PNPLA8: variants seen among roughly 807,000 people sequenced by gnomAD.
PNPLA8 encodes the protein calcium-independent phospholipase A2-gamma.
Under a neutral mutation model 76.9 loss-of-function variants are expected in PNPLA8, and 39 were observed. That is an observed-to-expected ratio of 0.51 (90% CI 0.39 to 0.66). PNPLA8 has a LOEUF of 0.66. PNPLA8 is among the 30% of genes least tolerant of loss of function. The pLI, the probability that PNPLA8 is intolerant of heterozygous loss-of-function variation, is 0.00. For synonymous variants in PNPLA8, 301 were observed against 307.9 expected (o/e 0.98, Z 0.24); for missense variants, 887 against 918.0 (o/e 0.97, Z 0.44).
rs540844610 is a variant in PNPLA8 at position 108,478,986 on chromosome 7, G to T, written c.2074+198C>A. Reference sequence around the variant, plus strand: ...CAAAGGTAGCACTATCTCTCAAATGGAAAACAGTCTCTGTTCTAGAGTCAC... The same window carrying T: ...CAAAGGTAGCACTATCTCTCAAATGTAAAACAGTCTCTGTTCTAGAGTCAC... On this transcript the variant is annotated intron_variant, in intron 10 of 10. Transcript: ENST00000257694. Among the ~76,000 whole-genome samples, 6 of 152,250 alleles carry T rather than the reference G, an allele frequency of 3.9e-5. No homozygotes were observed. In the South Asian group the frequency reaches 1.2e-3, roughly 32 times the overall value.
chr7:108,501,320 G>A (rs1861931287), intron 5 of PNPLA8, among the ~76,000 whole-genome samples: 1 of 152,190 alleles, frequency 6.6e-6, no homozygotes, highest in South Asian at 2.1e-4. Context: ...AGACTGAGTA[G>A]GAAGCATGGA....
At chr7:108,482,971 CT>C (rs1227774219) in intron 9 of PNPLA8, among the ~76,000 whole-genome samples, 1 of 152,150 alleles carries the variant, frequency 6.6e-6, no homozygotes, top group Non-Finnish European at 1.5e-5. Flanking sequence ...ACTAAAATTT[CT>C]CATGAAATGT....
intron 1 of PNPLA8, 104 bp downstream of exon 1, chr7:108,525,925 G>T: frequency 2.5e-6 from 1 of 397,626 alleles, no homozygotes; most frequent in East Asian, 1.6e-4. Context: ...CGCTCGGGAA[G>T]TGCCCTCCAA....
chr7:108,490,694 G>A (rs976600402), intron 8 of PNPLA8, among the ~76,000 whole-genome samples: 2 of 151,702 alleles, frequency 1.3e-5, no homozygotes, highest in South Asian at 4.2e-4. Context: ...TGAGGCAGGA[G>A]AATGGCGTGA....
rs761482696 is a variant in PNPLA8, at chr7:108,515,092, G to C, written c.400C>G (p.Gln134Glu). ...CTATCCGATACTTTTCTTAAAATTT[G>C]GGAACTTGGCTTAAATTGAGCTAAA... ...SRLAQFKPSS[Q>E]ILRKVSDSGW... Residue 134 changes from glutamine to glutamate, a missense_variant, in exon 3 of 11, where the codon CAA (glutamine) becomes GAA (glutamate). Coordinates refer to ENST00000257694, the MANE Select transcript of PNPLA8 (RefSeq NM_001256007.3). 7 of 1,604,574 alleles carry C rather than the reference G, an allele frequency of 4.4e-6. No homozygotes were observed. In the South Asian group the frequency reaches 7.8e-5, roughly 18 times the overall value.
intron 7 of PNPLA8, among the ~76,000 whole-genome samples, chr7:108,493,568 C>CTTT (rs34935118): frequency 0.064 from 5,169 of 81,164 alleles, 227 homozygotes; most frequent in Middle Eastern, 0.085. Flanking sequence ...CCATGCCTGG[C>CTTT]TTTTTTTTTT....
chr7:108,498,390 G>A (rs1382534672), intron 5 of PNPLA8, among the ~76,000 whole-genome samples: 2 of 150,750 alleles, frequency 1.3e-5, no homozygotes, highest in Non-Finnish European at 3.0e-5. Context: ...TCAGCCTCCC[G>A]AGTAGCTGGG....
At chr7:108,476,140 G>T (rs1859974593) in intron 10 of PNPLA8, among the ~76,000 whole-genome samples, 1 of 150,996 alleles carries the variant, frequency 6.6e-6, no homozygotes, top group Non-Finnish European at 1.5e-5. Flanking sequence ...TGTTTTTGTG[G>T]GCCAACAGCA....
intron 4 of PNPLA8, among the ~76,000 whole-genome samples, chr7:108,504,743 A>T (rs1478440322): frequency 6.6e-6 from 1 of 152,184 alleles, no homozygotes. Context: ...GAGCCAGTGC[A>T]CTATCAGCAC....
intron 5 of PNPLA8, among the ~76,000 whole-genome samples, chr7:108,499,797 C>T (rs1178628395): frequency 2.0e-5 from 3 of 152,178 alleles, no homozygotes; most frequent in Non-Finnish European, 4.4e-5. Context: ...GATTTCCTCC[C>T]TATATGACTA....
chr7:108,483,432 A>G (rs913398375), intron 9 of PNPLA8, among the ~76,000 whole-genome samples: 3 of 152,192 alleles, frequency 2.0e-5, no homozygotes, highest in African/African-American at 7.2e-5. Flanking sequence ...ATTTACTTCA[A>G]AAACCTATTC....
In PNPLA8 at chr7:108,495,520, T is replaced by C. The variant is rs565658057; in HGVS notation, c.1625+1064A>G. On this transcript the variant is annotated intron_variant, in intron 7 of 10. Transcript: ENST00000257694. ...AAAAAACACATCACCATGTTAATAGTGCTTTTGTTCTTAGTGGGATTATAA... is the reference window on the plus strand; with the variant it reads ...AAAAAACACATCACCATGTTAATAGCGCTTTTGTTCTTAGTGGGATTATAA... 1.2e-4 allele frequency among the ~76,000 whole-genome samples: 18 copies of C among 152,292 alleles called. No individual in the cohort carries two copies. In the South Asian group the frequency reaches 3.7e-3, roughly 32 times the overall value.
chr7:108,506,216 A>G (rs1434966339), intron 4 of PNPLA8, among the ~76,000 whole-genome samples: 1 of 152,120 alleles, frequency 6.6e-6, no homozygotes, highest in African/African-American at 2.4e-5. Context: ...CGTCTCTACT[A>G]AAAAACCAAA....
intron 4 of PNPLA8, among the ~76,000 whole-genome samples, chr7:108,505,939 A>AT (rs1862389456): frequency 6.6e-6 from 1 of 152,184 alleles, no homozygotes; most frequent in South Asian, 2.1e-4. Context: ...AATAGGCAAG[A>AT]TCTGGAATAG....
In PNPLA8 at chr7:108,471,606, CATT is replaced by C. The variant is rs1433403423; in HGVS notation, c.*792_*794del. The stretch of plus-strand genomic sequence containing the variant: ...TGAACAAAAATTAATTTTAAAATGA[CATT>C]AGCCTTTTAACAACAGATTATTTAA... On this transcript the variant is annotated 3_prime_UTR_variant, in exon 11 of 11. Transcript: ENST00000257694. 6.6e-6 allele frequency: 1 copy of C among 152,170 alleles called. No individual in the cohort carries two copies. The highest frequency in any genetic ancestry group is 1.5e-5 in the Non-Finnish European group (1 of 68,030). The allele number at this position is 152,170 out of a possible 1,614,324, so 9.4% of individuals were successfully genotyped here. A position where few individuals can be genotyped will look rare whatever the true frequency, so the allele number is the denominator to read the frequency against.
intron 7 of PNPLA8, among the ~76,000 whole-genome samples, chr7:108,494,002 A>C (rs1423729553): frequency 6.6e-6 from 1 of 152,172 alleles, no homozygotes; most frequent in African/African-American, 2.4e-5. Flanking sequence ...AATTTCAAAT[A>C]TGATAAAGAT....
intron 8 of PNPLA8, among the ~76,000 whole-genome samples, chr7:108,491,097 G>A (rs949846858): frequency 3.2e-4 from 49 of 152,132 alleles, no homozygotes; most frequent in Non-Finnish European, 8.8e-5. Context: ...CTGAGTTTGG[G>A]AGTTTGAGAC....
At chr7:108,479,745 T>C (rs1168012002) in intron 9 of PNPLA8, among the ~76,000 whole-genome samples, 1 of 152,240 alleles carries the variant, frequency 6.6e-6, no homozygotes, top group African/African-American at 2.4e-5. Context: ...CAATTAAAAT[T>C]AGTTCTTCTC....
intron 4 of PNPLA8, among the ~76,000 whole-genome samples, chr7:108,508,766 C>CT: frequency 6.6e-6 from 1 of 152,154 alleles, no homozygotes; most frequent in Admixed American, 6.5e-5. Context: ...CACTACCTGG[C>CT]TTCAAACTAT....
Sources: gnomAD v4.1 joint callset for allele counts (sites outside exome capture counted in the v4.1 genomes callset) on GRCh38, gnomAD v4.1.1 for gene constraint, MANE v1.5 for transcripts, NCBI Gene and HGNC (gene_info 2026-07-23, HGNC 2026-07-21) for gene names.